STX3: variants seen among roughly 807,000 people sequenced by gnomAD.
The protein encoded by STX3 is syntaxin-3.
A neutral mutation model predicts 40.2 loss-of-function variants in STX3; 19 were observed. The observed-to-expected ratio is 0.47, with a 90% confidence interval of 0.33 to 0.69. The LOEUF is 0.69. Ranked by LOEUF, STX3 falls within the 30% of genes least tolerant of loss-of-function variation. The pLI is 0.02. For missense variants in STX3, 364 were observed against 366.7 expected (o/e 0.99, Z 0.06); for synonymous variants, 122 against 132.2 (o/e 0.92, Z 0.53).
rs1865887686 is a variant in STX3 at position 59,801,544 on chromosome 11, G to A, written c.*720G>A. 19 of 985,368 alleles carry A rather than the reference G, an allele frequency of 1.9e-5. 1 individual carries two copies. Among genetic ancestry groups the A allele is most frequent in the Non-Finnish European group, 2.3e-5 (19 of 829,928 alleles). The allele number at this position is 985,368 out of a possible 1,614,324, so 61.0% of individuals were successfully genotyped here. On this transcript the variant is annotated 3_prime_UTR_variant, in exon 11 of 11. Coordinates refer to ENST00000337979, the MANE Select transcript of STX3 (RefSeq NM_004177.5). ...AGGTTATGCTTTGCAAAAGGCTGACGGTATGGAATATGTTTCCATGTCTGA... is the reference window on the plus strand; with the variant it reads ...AGGTTATGCTTTGCAAAAGGCTGACAGTATGGAATATGTTTCCATGTCTGA...
intron 2 of STX3, among the ~76,000 whole-genome samples, chr11:59,786,539 C>T (rs1038265603): frequency 3.3e-5 from 5 of 151,946 alleles, no homozygotes; most frequent in South Asian, 2.1e-4. Flanking sequence ...CATGAACCAC[C>T]GCGCCTGGCC....
At chr11:59,778,556 G>A (rs1864139006) in intron 2 of STX3, among the ~76,000 whole-genome samples, 1 of 152,178 alleles carries the variant, frequency 6.6e-6, no homozygotes, top group East Asian at 1.9e-4. Context: ...AGAGGGAAGG[G>A]GCCAGGGAAT....
At chr11:59,767,003 A>T (rs993966043) in intron 1 of STX3, among the ~76,000 whole-genome samples, 1 of 152,194 alleles carries the variant, frequency 6.6e-6, no homozygotes, top group Non-Finnish European at 1.5e-5. Flanking sequence ...GAAGAGAGGA[A>T]CCTGTGGTCA....
chr11:59,762,047 T>A lies in STX3; in HGVS notation c.30+6412T>A, dbSNP rs554848. Among the ~76,000 whole-genome samples, 544 of 152,274 alleles carry A rather than the reference T, an allele frequency of 3.6e-3. 4 individuals carry two copies. The highest frequency in any genetic ancestry group is 0.012 in the African/African-American group (519 of 41,534). ...TTCACTAGTTGTTCCACTAATGTCC[T>A]CTTTCTGTTCTAGGATGCGATCCAG... On this transcript the variant is annotated intron_variant, in intron 1 of 10. Coordinates refer to ENST00000337979, the MANE Select transcript of STX3 (RefSeq NM_004177.5).
chr11:59,755,216 GT>G (rs901384069), upstream of STX3: 114 of 167,324 alleles, frequency 6.8e-4, no homozygotes, highest in Non-Finnish European at 1.1e-3. Context: ...GACTCCACGC[GT>G]GTCTGGAGGG....
In STX3 at chr11:59,755,927, G is replaced by A. The variant is rs897252438; in HGVS notation, c.30+292G>A. Among the ~76,000 whole-genome samples, 3 of 152,254 alleles carry A rather than the reference G, an allele frequency of 2.0e-5. No individual in the cohort carries two copies. In the South Asian group the frequency reaches 6.2e-4, roughly 31 times the overall value. ...GTTCCCGAAGCGGGTGCTTGGGCCC[G>A]GGAGGTCAGGGGTCCCTTCACCACC... On this transcript the variant is annotated intron_variant, in intron 1 of 10. Transcript: ENST00000337979.
At position 59,804,002 on chromosome 11, in the gene STX3, A is replaced by G. The variant is rs887618413; in HGVS notation, c.*3178A>G. 2.0e-5 allele frequency: 3 copies of G among 152,842 alleles called. No individual in the cohort carries two copies. Among genetic ancestry groups the G allele is most frequent in the Admixed American group, 6.5e-5 (1 of 15,286 alleles). The allele number at this position is 152,842 out of a possible 1,614,324, so 9.5% of individuals were successfully genotyped here. On this transcript the variant is annotated 3_prime_UTR_variant, in exon 11 of 11. Transcript: ENST00000337979. ...CTTATTAAGAATTATGCAAAGAATAAACGTATACAGAATTGGGCGGAGGAC... is the reference window on the plus strand; with the variant it reads ...CTTATTAAGAATTATGCAAAGAATAGACGTATACAGAATTGGGCGGAGGAC...
intron 1 of STX3, among the ~76,000 whole-genome samples, chr11:59,766,017 G>T (rs1383296180): frequency 6.6e-6 from 1 of 152,172 alleles, no homozygotes; most frequent in Non-Finnish European, 1.5e-5. Flanking sequence ...AATCTTTAAT[G>T]CCCCACTGTG....
intron 2 of STX3, among the ~76,000 whole-genome samples, chr11:59,775,550 C>T (rs2134940087): frequency 6.6e-6 from 1 of 152,314 alleles, no homozygotes; most frequent in Admixed American, 6.5e-5. Context: ...GGGCTTTGGC[C>T]TCTAAAACAT....
intron 2 of STX3, among the ~76,000 whole-genome samples, chr11:59,777,035 C>T (rs1274142736): frequency 6.6e-6 from 1 of 152,210 alleles, no homozygotes; most frequent in African/African-American, 2.4e-5. Context: ...TTCAAGATAG[C>T]ATGTTAGGTG....
intron 5 of STX3, 95 bp from the exon 6 acceptor site, chr11:59,792,012 C>A: frequency 1.0e-6 from 1 of 990,624 alleles, no homozygotes; most frequent in Non-Finnish European, 1.6e-6. Flanking sequence ...ATTCCAAGTC[C>A]AGTGCTATTG....
intron 1 of STX3, 65 bp from the exon 2 acceptor site, chr11:59,773,146 G>A (rs1235764162): frequency 6.8e-7 from 1 of 1,473,054 alleles, no homozygotes; most frequent in Non-Finnish European, 9.5e-7. Flanking sequence ...TACTTCGTGA[G>A]CATTCAATAA....
intron 2 of STX3, among the ~76,000 whole-genome samples, chr11:59,779,861 T>G (rs1451714585): frequency 6.6e-6 from 1 of 152,198 alleles, no homozygotes; most frequent in Non-Finnish European, 1.5e-5. Context: ...GCTTGATTTT[T>G]GTTAGAACTA....
rs1316924155 is a variant in STX3 at position 59,803,178 on chromosome 11, G to A, written c.*2354G>A. ...CCTGCAGAATACTTTTTGCGATGAT[G>A]TTTCTCATGTATTCTTTCTTTCCTT... is the stretch of plus-strand genomic sequence containing the variant. On this transcript the variant is annotated 3_prime_UTR_variant, in exon 11 of 11. Transcript: ENST00000337979. 8.1e-7 allele frequency: 1 copy of A among 1,231,474 alleles called. No individual in the cohort carries two copies. The highest frequency in any genetic ancestry group is 3.2e-5 in the East Asian group (1 of 31,724). 76.3% of individuals were successfully genotyped at this position (1,231,474 alleles called of 1,614,324 possible). A position where few individuals can be genotyped will look rare whatever the true frequency, so the allele number is the denominator to read the frequency against.
At chr11:59,773,355 AG>A in intron 2 of STX3, 61 bp downstream of exon 2, 1 of 1,567,612 alleles carries the variant, frequency 6.4e-7, no homozygotes, top group Non-Finnish European at 8.7e-7. Flanking sequence ...TTCCTTAGTA[AG>A]AATAAAAAAC....
chr11:59,803,929 C>T lies in STX3; in HGVS notation c.*3105C>T, dbSNP rs534308830. 2.6e-5 allele frequency: 4 copies of T among 153,288 alleles called. No homozygotes were observed. Among genetic ancestry groups the T allele is most frequent in the East Asian group, 1.9e-4 (1 of 5,188 alleles). 9.5% of individuals were successfully genotyped at this position (153,288 alleles called of 1,614,324 possible). ...CCACGCAGACTCCTCATCAGCTTCT[C>T]CTCTTTCCATTATGAAACTTCTTAA... On this transcript the variant is annotated 3_prime_UTR_variant, in exon 11 of 11. Transcript: ENST00000337979.
chr11:59,782,508 T>C (rs1864457715), intron 2 of STX3, among the ~76,000 whole-genome samples: 1 of 152,178 alleles, frequency 6.6e-6, no homozygotes, highest in Non-Finnish European at 1.5e-5. Flanking sequence ...TCACAAAAAC[T>C]CTAAAGTGGG....
At chr11:59,786,272 CT>C (rs1434307314) in intron 2 of STX3, among the ~76,000 whole-genome samples, 1 of 146,340 alleles carries the variant, frequency 6.8e-6, no homozygotes, top group Non-Finnish European at 1.5e-5. Context: ...GGCAGTCTCG[CT>C]GTGTCGTCCA....
At chr11:59,780,709 C>G (rs532747420) in intron 2 of STX3, among the ~76,000 whole-genome samples, 2 of 152,336 alleles carry the variant, frequency 1.3e-5, no homozygotes, top group African/African-American at 4.8e-5. Flanking sequence ...CCTTCCTTCT[C>G]TTTCGCTCTG....
Sources: gnomAD v4.1 joint callset for allele counts (sites outside exome capture counted in the v4.1 genomes callset) on GRCh38, gnomAD v4.1.1 for gene constraint, MANE v1.5 for transcripts, NCBI Gene and HGNC (gene_info 2026-07-23, HGNC 2026-07-21) for gene names.